The following ATP2B1 variants were observed in gnomAD, a reference collection of about 807,000 sequenced individuals.
ATP2B1 encodes the protein ATPase plasma membrane Ca2+ transporting 1.
A neutral mutation model predicts 124.2 loss-of-function variants in ATP2B1; 14 were observed. That is an observed-to-expected ratio of 0.11 (90% confidence interval 0.07 to 0.18). The LOEUF (loss-of-function observed/expected upper bound fraction) is 0.18, where lower values mean the gene tolerates loss of function less well. Ranked by LOEUF, ATP2B1 falls within the 10% of genes least tolerant of loss-of-function variation. The probability of loss-of-function intolerance (pLI) is 1.00; values close to 1 mark genes in which losing one functional copy is unlikely to be tolerated. For synonymous variants in ATP2B1, 449 were observed against 492.4 expected (o/e 0.91, Z 1.17); for missense variants, 763 against 1,466.1 (o/e 0.52, Z 7.83).
At position 89,603,712 on chromosome 12, in the gene ATP2B1, C is replaced by G. The variant is rs1467150624; in HGVS notation, c.2848G>C (p.Gly950Arg). ...GCTTTATTAGACACTGAATTCTTAC[C>G]AGCAAATAAGAGTGTAAAGACTACT... ...LVVVFTLLFA[G>R]EKFFDIDSGR... Residue 950 changes from glycine to arginine, a missense_variant and splice_region_variant, in exon 17 of 21, where the codon GGA becomes CGA. Physicochemically the swap from Gly to Arg is moderately radical, Grantham distance 125. Around this residue, in one of 7 missense-constraint regions of ATP2B1, gnomAD observed 118 missense variants for 240.3 expected, o/e 0.49. Transcript: ENST00000428670. This position sits in a 1 kb window ranked among gnomAD's most constrained non-coding sequence, Gnocchi z 4.3. The G allele has an allele frequency of 6.2e-7, 1 of 1,610,278 alleles. No individual in the cohort carries two copies. Among genetic ancestry groups the G allele is most frequent in the Non-Finnish European group, 8.5e-7 (1 of 1,176,662 alleles).
At position 89,626,405 on chromosome 12, in the gene ATP2B1, G is replaced by A. The variant is rs780562945; in HGVS notation, c.1129+49C>T. ...TGTGTCAAAAGACAATTTTTAAGCA[G>A]AAAGCATACTTAAAAATAAAACACT... On this transcript the variant is annotated intron_variant, in intron 8 of 20. Coordinates refer to ENST00000428670, the MANE Select transcript of ATP2B1 (RefSeq NM_001366521.1). 5 of 1,522,754 alleles carry A rather than the reference G, an allele frequency of 3.3e-6. No individual in the cohort carries two copies. The South Asian group carries it at 5.4e-5, about 16-fold the overall frequency. The allele number at this position is 1,522,754 out of a possible 1,614,324, so 94.3% of individuals were successfully genotyped here.
intron 1 of ATP2B1, among the ~76,000 whole-genome samples, chr12:89,665,374 T>A (rs894672000): frequency 6.6e-6 from 1 of 152,174 alleles, no homozygotes; most frequent in Non-Finnish European, 1.5e-5. Context: ...CTAAAAAAAT[T>A]AAATTTTTAA....
At chr12:89,677,307 A>G (rs1337578897) in intron 1 of ATP2B1, among the ~76,000 whole-genome samples, 2 of 152,116 alleles carry the variant, frequency 1.3e-5, no homozygotes, top group African/African-American at 4.8e-5. Flanking sequence ...TTTAATTTCA[A>G]TTGTATGCTG....
At chr12:89,642,003 A>G in intron 3 of ATP2B1, 155 bp downstream of exon 3, 1 of 739,006 alleles carries the variant, frequency 1.4e-6, no homozygotes, top group African/African-American at 1.8e-5. Flanking sequence ...GGTTACTGTG[A>G]AAGTTATCTG....
Position 89,627,731 on chromosome 12 carries a change from T to C in ATP2B1, c.929-15A>G, listed in dbSNP as rs879855119. 6.2e-7 allele frequency: 1 copy of C among 1,613,410 alleles called. No individual in the cohort carries two copies. Among genetic ancestry groups the C allele is most frequent in the Non-Finnish European group, 8.5e-7 (1 of 1,179,656 alleles). On this transcript the variant is annotated splice_polypyrimidine_tract_variant and intron_variant, in intron 6 of 20. Transcript: ENST00000428670. ...TTGTTTCTTATCTGTAGGAACAAAATGGGAATTAAAGCTTTCCAAAAGAAA... is the reference window on the plus strand; with the variant it reads ...TTGTTTCTTATCTGTAGGAACAAAACGGGAATTAAAGCTTTCCAAAAGAAA...
At chr12:89,683,193 A>G (rs1889563629) in intron 1 of ATP2B1, among the ~76,000 whole-genome samples, 1 of 152,236 alleles carries the variant, frequency 6.6e-6, no homozygotes, top group African/African-American at 2.4e-5. Flanking sequence ...TGGGGGAAAC[A>G]ATCAATTCAC....
At position 89,657,853 on chromosome 12, in the gene ATP2B1, G is replaced by A. The variant is rs191635754; in HGVS notation, c.-221-1746C>T. On this transcript the variant is annotated intron_variant, in intron 1 of 20. Transcript: ENST00000428670. ...GAGTGAGTTGAGGATGGCTGGGTGA[G>A]AAAAGTTTGCTTGCCTTAGGTTAAA... Among the ~76,000 whole-genome samples, 65 of 152,324 alleles carry A rather than the reference G, an allele frequency of 4.3e-4. No homozygotes were observed. The East Asian group carries it at 7.3e-3, about 17-fold the overall frequency.
chr12:89,647,425 G>GTC (rs1884632340), intron 2 of ATP2B1, among the ~76,000 whole-genome samples: 1 of 152,098 alleles, frequency 6.6e-6, no homozygotes, highest in Non-Finnish European at 1.5e-5. Flanking sequence ...GAAATAAAAT[G>GTC]TCACTTATAT....
At chr12:89,692,256 C>T (rs1241085127) in intron 1 of ATP2B1, among the ~76,000 whole-genome samples, 3 of 152,024 alleles carry the variant, frequency 2.0e-5, no homozygotes, top group Admixed American at 2.0e-4. Context: ...AAAACTCAGG[C>T]TAAGACTCAA....
At position 89,590,998 on chromosome 12, in the gene ATP2B1, C is replaced by T; in HGVS notation, c.3649G>A (p.Glu1217Lys). 1.2e-6 allele frequency: 2 copies of T among 1,611,970 alleles called. No homozygotes were observed. The highest frequency in any genetic ancestry group is 1.7e-6 in the Non-Finnish European group (2 of 1,178,492). Residue 1217 changes from glutamate to lysine, a missense_variant, in exon 21 of 21, where the codon GAA becomes AAA. Glu to Lys is a moderately conservative substitution (Grantham distance 56). Coordinates refer to ENST00000428670, the MANE Select transcript of ATP2B1 (RefSeq NM_001366521.1). ...SSPGSPLHSL[E>K]TSL is the part of the protein sequence containing the mutation. Reference sequence around the variant, plus strand: ...TCAGCTTACAATCAGAGTGATGTTTCCAAACTATGTAGTGGGCTTCCTGGG... The same window carrying T: ...TCAGCTTACAATCAGAGTGATGTTTTCAAACTATGTAGTGGGCTTCCTGGG...
intron 2 of ATP2B1, among the ~76,000 whole-genome samples, chr12:89,653,806 C>T (rs1235399686): frequency 6.6e-6 from 1 of 152,158 alleles, no homozygotes; most frequent in Non-Finnish European, 1.5e-5. Flanking sequence ...GTAGTGCAAA[C>T]TCATGAGAAA....
chr12:89,625,615 G>GAA (rs1212232853), intron 8 of ATP2B1, among the ~76,000 whole-genome samples: 1 of 138,182 alleles, frequency 7.2e-6, no homozygotes, highest in Non-Finnish European at 1.6e-5. Flanking sequence ...GAAAAGAAAA[G>GAA]AAAAAAAGAA....
chr12:89,612,529 C>T (rs997562993), intron 12 of ATP2B1, among the ~76,000 whole-genome samples: 3 of 151,898 alleles, frequency 2.0e-5, no homozygotes, highest in African/African-American at 7.3e-5. Flanking sequence ...TTAACAGAAC[C>T]TGTAACTGCA....
intron 1 of ATP2B1, among the ~76,000 whole-genome samples, chr12:89,680,944 C>T (rs1889274583): frequency 1.3e-5 from 2 of 152,136 alleles, no homozygotes; most frequent in South Asian, 4.1e-4. Context: ...GGGAGCTGAG[C>T]TTTCCTTCAA....
chr12:89,701,517 T>C (rs1337055908), intron 1 of ATP2B1, among the ~76,000 whole-genome samples: 1 of 152,156 alleles, frequency 6.6e-6, no homozygotes, highest in East Asian at 1.9e-4. Context: ...GCAGAGAAGG[T>C]TAAGGAAATT....
intron 12 of ATP2B1, among the ~76,000 whole-genome samples, chr12:89,613,835 G>C (rs947575120): frequency 2.0e-5 from 3 of 152,130 alleles, no homozygotes; most frequent in Admixed American, 6.5e-5. Context: ...TTACATATAA[G>C]AAACTAAAGC....
At chr12:89,595,257 C>T (rs896147501) in intron 20 of ATP2B1, among the ~76,000 whole-genome samples, 3 of 151,922 alleles carry the variant, frequency 2.0e-5, no homozygotes, top group African/African-American at 7.3e-5. Context: ...AGACAACAGG[C>T]TAGATTTGGC....
At chr12:89,669,685 G>A (rs910501122) in intron 1 of ATP2B1, among the ~76,000 whole-genome samples, 3 of 152,138 alleles carry the variant, frequency 2.0e-5, no homozygotes, top group East Asian at 1.9e-4. Context: ...GAACTGTATA[G>A]TGTATATTAT....
chr12:89,659,915 CAAAA>C (rs1234238576), intron 1 of ATP2B1, among the ~76,000 whole-genome samples: 1 of 42,524 alleles, frequency 2.4e-5, no homozygotes. Context: ...AAGCGAGACT[CAAAA>C]AAAAAAAAAA....
Sources: gnomAD v4.1 joint callset for allele counts (sites outside exome capture counted in the v4.1 genomes callset) on GRCh38, gnomAD v4.1.1 for gene constraint, gnomAD v4.1.1 regional missense constraint, Gnocchi (gnomAD v3.1) non-coding constraint, MANE v1.5 for transcripts, NCBI Gene and HGNC (gene_info 2026-07-23, HGNC 2026-07-21) for gene names.